CFAP54: variants seen among roughly 807,000 people sequenced by gnomAD.
CFAP54 encodes the protein cilia- and flagella-associated protein 54.
A neutral mutation model predicts 370.4 loss-of-function variants in CFAP54; 290 were observed. That is an observed-to-expected ratio of 0.78 (90% CI 0.71 to 0.86). The LOEUF (loss-of-function observed/expected upper bound fraction) is 0.86. Ranked by LOEUF, CFAP54 falls within the 40% of genes least tolerant of loss-of-function variation. CFAP54 has a pLI of 0.00. For synonymous variants in CFAP54, 1,206 were observed against 1,236.5 expected (o/e 0.98, Z 0.52); for missense variants, 3,399 against 3,528.7 (o/e 0.96, Z 0.93).
At chr12:96,735,472 A>T (rs1464744209) in intron 50 of CFAP54, among the ~76,000 whole-genome samples, 1 of 152,222 alleles carries the variant, frequency 6.6e-6, no homozygotes, top group Non-Finnish European at 1.5e-5. Flanking sequence ...AACAGAAGAG[A>T]TCCATCTCAT....
intron 14 of CFAP54, among the ~76,000 whole-genome samples, chr12:96,541,940 T>G (rs1955579190): frequency 6.6e-6 from 1 of 151,916 alleles, no homozygotes; most frequent in Non-Finnish European, 1.5e-5. Flanking sequence ...CCCCTTTCTC[T>G]TCTCCATTCA....
intron 32 of CFAP54, among the ~76,000 whole-genome samples, chr12:96,631,743 A>G (rs141189840): frequency 3.8e-4 from 57 of 149,582 alleles, no homozygotes; most frequent in African/African-American, 1.3e-3. Context: ...TATATATTGT[A>G]TAATAAATTT....
chr12:96,728,409 C>T (rs974522657), intron 50 of CFAP54, among the ~76,000 whole-genome samples: 12 of 152,130 alleles, frequency 7.9e-5, no homozygotes, highest in African/African-American at 1.9e-4. Flanking sequence ...CTTCCCTTCT[C>T]GCTTCATTTC....
At chr12:96,507,490 C>G (rs946788270) in intron 4 of CFAP54, among the ~76,000 whole-genome samples, 11 of 151,442 alleles carry the variant, frequency 7.3e-5, no homozygotes, top group Non-Finnish European at 2.9e-5. Flanking sequence ...CCTCCTCCTA[C>G]TTTTATTTTG....
chr12:96,623,665 C>T (rs1473300398), intron 27 of CFAP54, 102 bp from the exon 28 acceptor site: 7 of 612,980 alleles, frequency 1.1e-5, no homozygotes, highest in South Asian at 4.1e-5. Context: ...TTTTATCTAC[C>T]AAGTGTGAAA....
At position 96,630,062 on chromosome 12, in the gene CFAP54, T is replaced by C. The variant is rs1451807182; in HGVS notation, c.4104-31T>C. 6 of 1,182,988 alleles carry C rather than the reference T, an allele frequency of 5.1e-6. No individual in the cohort carries two copies. In the Admixed American group the frequency reaches 8.6e-5, roughly 17 times the overall value. The allele number at this position is 1,182,988 out of a possible 1,614,324, so 73.3% of individuals were successfully genotyped here. The stretch of plus-strand genomic sequence containing the variant: ...GGGTAGTTCTGCAAATTTTTGCAGG[T>C]CTTTTTGACTGACTTTATCTTTTTT... On this transcript the variant is annotated intron_variant, in intron 30 of 67. Coordinates refer to ENST00000524981, the MANE Select transcript of CFAP54 (RefSeq NM_001306084.2).
chr12:96,530,666 G>A (rs1184866787), intron 9 of CFAP54, among the ~76,000 whole-genome samples: 1 of 152,170 alleles, frequency 6.6e-6, no homozygotes, highest in Non-Finnish European at 1.5e-5. Context: ...GTGAAGGTAA[G>A]TTTTCATTTC....
At chr12:96,871,093 G>C (rs1592825859) in intron 67 of CFAP54, among the ~76,000 whole-genome samples, 1 of 152,166 alleles carries the variant, frequency 6.6e-6, no homozygotes, top group South Asian at 2.1e-4. Flanking sequence ...AGACAGTGTG[G>C]GGAGCCCTAA....
At chr12:96,726,667 C>G (rs973494713) in intron 50 of CFAP54, among the ~76,000 whole-genome samples, 7 of 151,986 alleles carry the variant, frequency 4.6e-5, no homozygotes, top group Non-Finnish European at 5.9e-5. Context: ...TTTTGTGTCT[C>G]TATTTCCTTC....
At chr12:96,520,732 G>A (rs1046379691) in intron 6 of CFAP54, among the ~76,000 whole-genome samples, 2 of 152,198 alleles carry the variant, frequency 1.3e-5, no homozygotes, top group South Asian at 2.1e-4. Flanking sequence ...TATGTGGGGC[G>A]TAAGCTGGAT....
At chr12:96,811,272 A>G (rs1279213009) in intron 63 of CFAP54, among the ~76,000 whole-genome samples, 4 of 152,244 alleles carry the variant, frequency 2.6e-5, no homozygotes, top group African/African-American at 7.2e-5. Flanking sequence ...GGGACGTTTC[A>G]TCTTAGCTGT....
intron 38 of CFAP54, among the ~76,000 whole-genome samples, chr12:96,659,676 T>G (rs1022815768): frequency 1.3e-5 from 2 of 152,182 alleles, no homozygotes; most frequent in Non-Finnish European, 1.5e-5. Flanking sequence ...AGAAAAGAGA[T>G]AAGTACATTT....
At chr12:96,692,504 G>T (rs1957398852) in intron 44 of CFAP54, among the ~76,000 whole-genome samples, 1 of 152,138 alleles carries the variant, frequency 6.6e-6, no homozygotes, top group Non-Finnish European at 1.5e-5. Flanking sequence ...CTAAAGAAAA[G>T]AAACTAAATC....
At chr12:96,727,752 A>T (rs1445768829) in intron 50 of CFAP54, among the ~76,000 whole-genome samples, 3 of 150,630 alleles carry the variant, frequency 2.0e-5, no homozygotes, top group African/African-American at 4.9e-5. Context: ...TCGTTAGTTG[A>T]TGCAGTTTCT....
intron 19 of CFAP54, among the ~76,000 whole-genome samples, chr12:96,571,800 C>G (rs746786064): frequency 6.6e-6 from 1 of 152,142 alleles, no homozygotes; most frequent in Non-Finnish European, 1.5e-5. Flanking sequence ...CAGGCACTTT[C>G]TCATAAACAA....
chr12:96,641,942 G>GGA (rs58774231), intron 32 of CFAP54, among the ~76,000 whole-genome samples: 20,668 of 148,564 alleles, frequency 0.14, 2,097 homozygotes, highest in East Asian at 0.43. Flanking sequence ...GTGGTGCGGG[G>GGA]GGGGAGGGAT....
At chr12:96,870,583 C>G (rs959302608) in intron 67 of CFAP54, among the ~76,000 whole-genome samples, 1 of 152,214 alleles carries the variant, frequency 6.6e-6, no homozygotes, top group Non-Finnish European at 1.5e-5. Flanking sequence ...TAACAGGTAG[C>G]TCTTACCATT....
rs544137769 is a variant in CFAP54 at position 96,500,402 on chromosome 12, C to T, written c.318-432C>T. ...GACATTATATACATTTGTCCAAACTCATGGAATGGATGACACCAACAGTGA... is the reference window on the plus strand; with the variant it reads ...GACATTATATACATTTGTCCAAACTTATGGAATGGATGACACCAACAGTGA... On this transcript the variant is annotated intron_variant, in intron 1 of 67. Transcript: ENST00000524981. 2.6e-5 allele frequency among the ~76,000 whole-genome samples: 4 copies of T among 152,290 alleles called. No homozygotes were observed. In the South Asian group the frequency reaches 8.3e-4, roughly 32 times the overall value.
At chr12:96,671,387 G>A (rs932088051) in intron 39 of CFAP54, among the ~76,000 whole-genome samples, 1 of 151,952 alleles carries the variant, frequency 6.6e-6, no homozygotes, top group East Asian at 1.9e-4. Context: ...GTATAATTTA[G>A]GGGTTTTTTT....
Sources: allele counts gnomAD v4.1 joint callset (sites outside exome capture counted in the v4.1 genomes callset), GRCh38; gene constraint gnomAD v4.1.1; transcripts MANE v1.5; gene names NCBI Gene and HGNC (gene_info 2026-07-23, HGNC 2026-07-21).